Variants in PCDHGA2 observed in about 807,000 individuals in gnomAD.
PCDHGA2 encodes the protein protocadherin gamma subfamily A, 2, also known as protocadherin gamma-A2.
Under a neutral mutation model 59.2 loss-of-function variants are expected in PCDHGA2, and 40 were observed. The ratio of observed to expected loss-of-function variants is 0.68; its 90% CI spans 0.52 to 0.88. PCDHGA2 has a LOEUF of 0.88. Ranked by LOEUF, PCDHGA2 falls within the 40% of genes least tolerant of loss-of-function variation. PCDHGA2 has a pLI of 0.00. For missense variants in PCDHGA2, 1,226 were observed against 1,204.0 expected (o/e 1.02, Z -0.27); for synonymous variants, 560 against 526.0 (o/e 1.06, Z -0.89).
At chr5:141,418,912 ACT>A (rs1457793463) in intron 1 of PCDHGA2, 2 of 1,613,770 alleles carry the variant, frequency 1.2e-6, no homozygotes, top group Non-Finnish European at 1.7e-6. Flanking sequence ...TCATCACGTC[ACT>A]CTCTGATCAG....
chr5:141,509,346 G>A (rs946395640), intron 3 of PCDHGA2, among the ~76,000 whole-genome samples: 7 of 152,194 alleles, frequency 4.6e-5, no homozygotes, highest in Non-Finnish European at 8.8e-5. Flanking sequence ...GCCTGGGCTG[G>A]CCTGGGCATC....
intron 1 of PCDHGA2, among the ~76,000 whole-genome samples, chr5:141,349,528 T>C (rs966849031): frequency 1.3e-5 from 2 of 152,244 alleles, no homozygotes; most frequent in Non-Finnish European, 2.9e-5. Flanking sequence ...GGAAAGATTA[T>C]CTATATTTTA....
At chr5:141,343,099 A>T in intron 1 of PCDHGA2, 2 of 171,582 alleles carry the variant, frequency 1.2e-5, no homozygotes, top group Non-Finnish European at 2.3e-5. Context: ...ATCTCAGTAC[A>T]CTGCAATTCC....
chr5:141,494,812 C>G lies in PCDHGA2; in HGVS notation c.2430C>G (p.Ala810=). The part of the protein sequence containing the change: ...EEREETFSQQ[A]PPNTDWRFSQ... ...TCCCTCTGTTTTCTCCACAGCAAGCCCCGCCCAACACGGACTGGCGTTTCT... is the reference window on the plus strand; with the variant it reads ...TCCCTCTGTTTTCTCCACAGCAAGCGCCGCCCAACACGGACTGGCGTTTCT... The change falls in exon 2 of 4, where the codon GCC becomes GCG. Residue 810 remains alanine, a synonymous_variant. Coordinates refer to ENST00000394576, the MANE Select transcript of PCDHGA2 (RefSeq NM_018915.4). 4 of 1,614,146 alleles carry G rather than the reference C, an allele frequency of 2.5e-6. No homozygotes were observed. The highest frequency in any genetic ancestry group is 3.4e-6 in the Non-Finnish European group (4 of 1,180,016).
intron 1 of PCDHGA2, chr5:141,350,398 G>A (rs1056572833): frequency 1.3e-6 from 2 of 1,599,976 alleles, no homozygotes; most frequent in Non-Finnish European, 1.7e-6. Flanking sequence ...CACGGGTGGG[G>A]AAACTTGCCA....
In PCDHGA2 at chr5:141,485,669, T is replaced by G. The variant is rs754363407; in HGVS notation, c.2425-9138T>G. ...TCAGGATGCAGATGTGGGGAGCAATTCGATTAGCAGCTATAGGCTGAGCTC... is the reference window on the plus strand; with the variant it reads ...TCAGGATGCAGATGTGGGGAGCAATGCGATTAGCAGCTATAGGCTGAGCTC... On this transcript the variant is annotated intron_variant, in intron 1 of 3. Transcript: ENST00000394576. The surrounding 1 kb of genome is among the most constrained non-coding windows in gnomAD (Gnocchi z 5.7). 1.9e-6 allele frequency: 3 copies of G among 1,612,788 alleles called. 1 individual carries two copies. Among genetic ancestry groups the G allele is most frequent in the Admixed American group, 1.7e-5 (1 of 59,980 alleles).
chr5:141,409,900 T>G (rs756245078), intron 1 of PCDHGA2: 1 of 1,613,144 alleles, frequency 6.2e-7, no homozygotes, highest in Non-Finnish European at 8.5e-7. Flanking sequence ...TGTACCCAGC[T>G]CTGGGTCCTG....
chr5:141,496,959 G>C (rs1451127360), intron 2 of PCDHGA2, among the ~76,000 whole-genome samples: 2 of 151,894 alleles, frequency 1.3e-5, no homozygotes, highest in Non-Finnish European at 2.9e-5. Flanking sequence ...GCCAAGGTGG[G>C]TAGATCACTT....
intron 1 of PCDHGA2, among the ~76,000 whole-genome samples, chr5:141,354,747 G>C (rs1295935407): frequency 1.3e-5 from 2 of 152,038 alleles, no homozygotes; most frequent in Non-Finnish European, 2.9e-5. Flanking sequence ...ACTGAAAAGA[G>C]GAAGAACACA....
At chr5:141,343,594 G>A (rs1757299140) in intron 1 of PCDHGA2, among the ~76,000 whole-genome samples, 1 of 152,178 alleles carries the variant, frequency 6.6e-6, no homozygotes, top group Admixed American at 6.5e-5. Context: ...AATATTGGTG[G>A]CATTAAGGTT....
At chr5:141,427,803 G>A (rs781324396) in intron 1 of PCDHGA2, 2 of 1,511,804 alleles carry the variant, frequency 1.3e-6, no homozygotes, top group Admixed American at 1.7e-5. Context: ...GTCCGTGAGC[G>A]CACAGAGCGG....
At chr5:141,398,517 G>C (rs754431224) in intron 1 of PCDHGA2, 38 of 1,592,096 alleles carry the variant, frequency 2.4e-5, no homozygotes, top group Non-Finnish European at 3.1e-5. Flanking sequence ...ATGACCACAC[G>C]CCAAAATTCA....
chr5:141,378,375 T>C (rs2150126691), intron 1 of PCDHGA2: 1 of 152,224 alleles, frequency 6.6e-6, no homozygotes, highest in African/African-American at 2.4e-5. Context: ...ATACAAAAAT[T>C]AGCCAGGTGG....
At chr5:141,389,394 T>C (rs753490190) in intron 1 of PCDHGA2, 2 of 1,613,672 alleles carry the variant, frequency 1.2e-6, no homozygotes, top group South Asian at 2.2e-5. Flanking sequence ...ATCCTACGTG[T>C]CCATAAGCGC....
At chr5:141,376,589 C>T (rs774042696) in intron 1 of PCDHGA2, 3 of 1,568,090 alleles carry the variant, frequency 1.9e-6, no homozygotes, top group Non-Finnish European at 2.6e-6. Context: ...TCAGCTAGAT[C>T]GGCTGTTATA....
At chr5:141,388,877 G>A in intron 1 of PCDHGA2, 1 of 1,613,936 alleles carries the variant, frequency 6.2e-7, no homozygotes, top group Non-Finnish European at 8.5e-7. Flanking sequence ...AATGCACAGT[G>A]GAGGTAGAAG....
At chr5:141,366,899 C>A in intron 1 of PCDHGA2, 1 of 1,196,082 alleles carries the variant, frequency 8.4e-7, no homozygotes, top group Non-Finnish European at 1.1e-6. Flanking sequence ...ATAATTCATG[C>A]TTTCTCCATT....
chr5:141,351,647 C>A (rs566032831), intron 1 of PCDHGA2: 2 of 1,614,058 alleles, frequency 1.2e-6, no homozygotes, highest in Non-Finnish European at 1.7e-6. Flanking sequence ...GAACAACCCA[C>A]CTGGCGCCTC....
chr5:141,357,163 TCG>T (rs1208679292), intron 1 of PCDHGA2: 1 of 1,613,606 alleles, frequency 6.2e-7, no homozygotes, highest in East Asian at 2.2e-5. Flanking sequence ...GCCCCCTCTC[TCG>T]GCCACCGTCA....
Sources: allele counts gnomAD v4.1 joint callset (sites outside exome capture counted in the v4.1 genomes callset), GRCh38; gene constraint gnomAD v4.1.1; non-coding constraint Gnocchi (gnomAD v3.1); transcripts MANE v1.5; gene names NCBI Gene and HGNC (gene_info 2026-07-23, HGNC 2026-07-21).